DNAJC6: variants seen among roughly 807,000 people sequenced by gnomAD.
The protein encoded by DNAJC6 is DnaJ heat shock protein family (Hsp40) member C6.
In DNAJC6, 34 loss-of-function variants were observed where a neutral mutation model predicts 110.0. The observed-to-expected ratio is 0.31, with a 90% CI of 0.24 to 0.41. The LOEUF (loss-of-function observed/expected upper bound fraction) is 0.41. Ranked by LOEUF, DNAJC6 falls within the 10% of genes least tolerant of loss-of-function variation. The probability of loss-of-function intolerance (pLI) is 1.00; values close to 1 mark genes in which losing one functional copy is unlikely to be tolerated. For missense variants in DNAJC6, 1,031 were observed against 1,207.8 expected, an observed-to-expected ratio of 0.85 and a Z score of 2.17; for synonymous variants, 406 against 437.2, an observed-to-expected ratio of 0.93 and a Z score of 0.89.
intron 4 of DNAJC6, among the ~76,000 whole-genome samples, chr1:65,377,099 G>A (rs922884961): frequency 7.9e-5 from 12 of 152,132 alleles, no homozygotes; most frequent in Admixed American, 5.9e-4. Context: ...GACTCGTTTT[G>A]TGGACTATGG....
intron 1 of DNAJC6, among the ~76,000 whole-genome samples, chr1:65,274,652 C>T (rs546931915): frequency 2.1e-4 from 25 of 118,226 alleles, no homozygotes; most frequent in Non-Finnish European, 3.4e-4. Flanking sequence ...TATATGTAAT[C>T]TGTATCTTTT....
chr1:65,329,483 T>C (rs1023957280), intron 1 of DNAJC6, among the ~76,000 whole-genome samples: 1 of 151,744 alleles, frequency 6.6e-6, no homozygotes, highest in African/African-American at 2.4e-5. Flanking sequence ...TATTAAAATA[T>C]GTATAGGAAT....
At chr1:65,301,997 G>GAGAGAA (rs1008233857) in intron 1 of DNAJC6, among the ~76,000 whole-genome samples, 4 of 150,346 alleles carry the variant, frequency 2.7e-5, no homozygotes, top group Non-Finnish European at 5.9e-5. Context: ...GAGAGAGAGG[G>GAGAGAA]AGAGAAAGAG....
chr1:65,387,199 C>T (rs1367950043), intron 8 of DNAJC6, among the ~76,000 whole-genome samples: 5 of 152,144 alleles, frequency 3.3e-5, no homozygotes, highest in South Asian at 2.1e-4. Context: ...TCTTTAGAAG[C>T]CTGTGCTTTT....
intron 1 of DNAJC6, among the ~76,000 whole-genome samples, chr1:65,280,931 G>A (rs541933249): frequency 1.1e-3 from 173 of 152,094 alleles, no homozygotes; most frequent in African/African-American, 3.8e-3. Context: ...TAAGTTTCAC[G>A]TTTCAAATTT....
intron 1 of DNAJC6, among the ~76,000 whole-genome samples, chr1:65,319,918 C>A (rs996330244): frequency 6.6e-6 from 1 of 152,150 alleles, no homozygotes; most frequent in African/African-American, 2.4e-5. Context: ...CTCCCCTCTT[C>A]TCTTTTCTCC....
rs1290176055 is a variant in DNAJC6 at position 65,392,320 on chromosome 1, G to C, written c.1469-111G>C. ...TGATTAGGGTCTAAAAACACTGTTT[G>C]CTCAGGGCTGAATCCTTCTGTCTTT... On this transcript the variant is annotated intron_variant, in intron 11 of 18. Coordinates refer to ENST00000371069, the MANE Select transcript of DNAJC6 (RefSeq NM_001256864.2). 15 of 1,052,622 alleles carry C rather than the reference G, an allele frequency of 1.4e-5. No individual in the cohort carries two copies. The Admixed American group carries it at 2.1e-4, about 15-fold the overall frequency. The allele number at this position is 1,052,622 out of a possible 1,614,324, so 65.2% of individuals were successfully genotyped here. A position where few individuals can be genotyped will look rare whatever the true frequency, so the allele number is the denominator to read the frequency against.
intron 1 of DNAJC6, among the ~76,000 whole-genome samples, chr1:65,317,632 A>G (rs927668932): frequency 2.6e-5 from 4 of 152,240 alleles, no homozygotes; most frequent in African/African-American, 9.6e-5. Context: ...TTGCATGTGC[A>G]GAAAATTACT....
At chr1:65,395,973 G>A (rs565203461) in intron 13 of DNAJC6, among the ~76,000 whole-genome samples, 30 of 152,288 alleles carry the variant, frequency 2.0e-4, no homozygotes, top group African/African-American at 6.0e-4. Flanking sequence ...AGAAGGTGAC[G>A]TATTGTTGAA....
At chr1:65,412,700 A>G (rs895454366) in intron 18 of DNAJC6, among the ~76,000 whole-genome samples, 1 of 152,130 alleles carries the variant, frequency 6.6e-6, no homozygotes, top group Non-Finnish European at 1.5e-5. Flanking sequence ...TCTGTTGTCT[A>G]CTTCTTGATG....
intron 1 of DNAJC6, among the ~76,000 whole-genome samples, chr1:65,277,280 G>A (rs916522825): frequency 2.6e-4 from 40 of 152,174 alleles, no homozygotes; most frequent in African/African-American, 9.2e-4. Flanking sequence ...CTTATTAAAA[G>A]CTTGTCAGTA....
At chr1:65,373,745 C>G (rs544890802) in intron 4 of DNAJC6, among the ~76,000 whole-genome samples, 3 of 151,714 alleles carry the variant, frequency 2.0e-5, no homozygotes, top group Admixed American at 2.0e-4. Flanking sequence ...CTCTTCACTT[C>G]GTTGATTGTT....
intron 1 of DNAJC6, among the ~76,000 whole-genome samples, chr1:65,276,975 T>TC: frequency 6.6e-6 from 1 of 152,236 alleles, no homozygotes; most frequent in South Asian, 2.1e-4. Flanking sequence ...TCAGTGAGCC[T>TC]CCCCTCTCTC....
At chr1:65,410,182 G>T (rs569665622) in intron 17 of DNAJC6, among the ~76,000 whole-genome samples, 2 of 152,304 alleles carry the variant, frequency 1.3e-5, no homozygotes, top group African/African-American at 4.8e-5. Flanking sequence ...CTGTATTAAA[G>T]CATCTGCAAA....
At chr1:65,367,062 A>G (rs933698095) in intron 4 of DNAJC6, among the ~76,000 whole-genome samples, 1 of 152,182 alleles carries the variant, frequency 6.6e-6, no homozygotes, top group Admixed American at 6.6e-5. Flanking sequence ...ATTGGTGTAC[A>G]TGCTTTATAT....
chr1:65,310,796 A>G (rs1645092325), intron 1 of DNAJC6, among the ~76,000 whole-genome samples: 1 of 152,206 alleles, frequency 6.6e-6, no homozygotes, highest in Admixed American at 6.5e-5. Context: ...CTATTTGCTT[A>G]CTTCTGCAGG....
chr1:65,395,870 G>A (rs988291789), intron 13 of DNAJC6, among the ~76,000 whole-genome samples: 2 of 152,090 alleles, frequency 1.3e-5, no homozygotes, highest in East Asian at 1.9e-4. Flanking sequence ...GATTAAAACC[G>A]GAGGTCTGCA....
chr1:65,301,813 T>C (rs972875948), intron 1 of DNAJC6, among the ~76,000 whole-genome samples: 1 of 151,938 alleles, frequency 6.6e-6, no homozygotes, highest in African/African-American at 2.4e-5. Flanking sequence ...AAAAAGTATA[T>C]GATCTAAACC....
intron 2 of DNAJC6, among the ~76,000 whole-genome samples, chr1:65,365,371 CA>C (rs1645636153): frequency 1.3e-5 from 2 of 152,074 alleles, no homozygotes; most frequent in Non-Finnish European, 2.9e-5. Context: ...CTTTGAGTTA[CA>C]ATATGCAGTT....
Sources: gnomAD v4.1 joint callset for allele counts (sites outside exome capture counted in the v4.1 genomes callset) on GRCh38, gnomAD v4.1.1 for gene constraint, MANE v1.5 for transcripts, NCBI Gene and HGNC (gene_info 2026-07-23, HGNC 2026-07-21) for gene names.